CELF4: variants seen among roughly 807,000 people sequenced by gnomAD.
CELF4 encodes CUGBP Elav-like family member 4.
CELF4 carries 18 observed loss-of-function variants against 59.9 expected under a neutral mutation model. The observed-to-expected ratio is 0.30, with a 90% CI of 0.21 to 0.45. The LOEUF is 0.45. Ranked by LOEUF, CELF4 falls within the 20% of genes least tolerant of loss-of-function variation. The pLI is 1.00. For synonymous variants in CELF4, 261 were observed against 267.1 expected (o/e 0.98, Z 0.22); for missense variants, 456 against 689.0 (o/e 0.66, Z 3.79).
At chr18:37,523,563 G>T (rs953515074) in intron 1 of CELF4, among the ~76,000 whole-genome samples, 1 of 152,152 alleles carries the variant, frequency 6.6e-6, no homozygotes, top group Non-Finnish European at 1.5e-5. Flanking sequence ...GGCAAAACTC[G>T]GGCCCATGCT....
intron 3 of CELF4, among the ~76,000 whole-genome samples, chr18:37,318,457 C>A (rs1044537870): frequency 1.3e-5 from 2 of 151,992 alleles, no homozygotes; most frequent in Middle Eastern, 6.8e-3. Flanking sequence ...CACTTCTCCC[C>A]CCTTCCCCTT....
intron 10 of CELF4, among the ~76,000 whole-genome samples, chr18:37,262,418 A>T (rs2075276135): frequency 6.6e-6 from 1 of 151,966 alleles, no homozygotes; most frequent in South Asian, 2.1e-4. Flanking sequence ...GGGGGGCAGG[A>T]ATTGCAGCTG....
At chr18:37,409,728 G>GTCA (rs1404032437) in intron 2 of CELF4, among the ~76,000 whole-genome samples, 1 of 152,108 alleles carries the variant, frequency 6.6e-6, no homozygotes, top group African/African-American at 2.4e-5. Context: ...TGGTAGGGAG[G>GTCA]GGACAGAAGT....
In CELF4 at chr18:37,481,778, T is replaced by C. The variant is rs118188871; in HGVS notation, c.369+3747A>G. On this transcript the variant is annotated intron_variant, in intron 2 of 12. Transcript: ENST00000420428. ...TCACTCCTGCACTCCATGGTCATCC[T>C]GGTTCTCTCTAAATTCCTAAAGCAA... Among the ~76,000 whole-genome samples, 53 of 152,318 alleles carry C rather than the reference T, an allele frequency of 3.5e-4. No individual in the cohort carries two copies. The East Asian group carries it at 8.1e-3, about 23-fold the overall frequency.
intron 1 of CELF4, among the ~76,000 whole-genome samples, chr18:37,529,487 A>C (rs752713573): frequency 5.3e-5 from 8 of 152,244 alleles, no homozygotes; most frequent in Non-Finnish European, 1.2e-4. Context: ...ACCAGGGCAC[A>C]TCCAATAGCT....
intron 2 of CELF4, among the ~76,000 whole-genome samples, chr18:37,389,331 G>A (rs564362936): frequency 3.3e-5 from 5 of 152,284 alleles, no homozygotes; most frequent in Non-Finnish European, 5.9e-5. Context: ...GCAGCCAGTC[G>A]GGCTGCCAAG....
chr18:37,361,284 C>T (rs1050935169), intron 2 of CELF4, among the ~76,000 whole-genome samples: 6 of 152,098 alleles, frequency 3.9e-5, no homozygotes, highest in African/African-American at 7.2e-5. Context: ...GAGTTAAAGA[C>T]GCACCAGGAT....
intron 2 of CELF4, among the ~76,000 whole-genome samples, chr18:37,467,464 A>G (rs976832041): frequency 6.6e-6 from 1 of 152,128 alleles, no homozygotes. Context: ...CTTGTTAGCA[A>G]TGGGAGCCAC....
intron 2 of CELF4, among the ~76,000 whole-genome samples, chr18:37,340,651 G>A (rs112661978): frequency 1.1e-4 from 17 of 152,340 alleles, no homozygotes; most frequent in East Asian, 5.8e-4. Flanking sequence ...CACCAGGGGC[G>A]GCCAGCCTGA....
intron 3 of CELF4, among the ~76,000 whole-genome samples, chr18:37,309,898 G>C (rs1273741732): frequency 6.7e-6 from 1 of 150,246 alleles, no homozygotes; most frequent in Non-Finnish European, 1.5e-5. Flanking sequence ...TGTCCTCTCA[G>C]TAGACTTGTC....
intron 3 of CELF4, among the ~76,000 whole-genome samples, chr18:37,303,625 T>A (rs1017438522): frequency 2.0e-5 from 3 of 152,098 alleles, no homozygotes; most frequent in Admixed American, 2.0e-4. Flanking sequence ...CACGTCCTCC[T>A]TTTTAGAGCC....
At chr18:37,310,976 C>T (rs575477773) in intron 3 of CELF4, among the ~76,000 whole-genome samples, 215 of 152,300 alleles carry the variant, frequency 1.4e-3, no homozygotes, top group Middle Eastern at 6.8e-3. Flanking sequence ...TGCCTTCTCT[C>T]TGTCATTCCT....
intron 2 of CELF4, among the ~76,000 whole-genome samples, chr18:37,329,413 C>T (rs994310805): frequency 3.3e-5 from 5 of 152,244 alleles, no homozygotes; most frequent in Admixed American, 3.3e-4. Flanking sequence ...ATCACCTCTT[C>T]CCATGGGCTC....
At chr18:37,286,247 T>C (rs2154400299) in intron 3 of CELF4, among the ~76,000 whole-genome samples, 1 of 152,164 alleles carries the variant, frequency 6.6e-6, no homozygotes, top group South Asian at 2.1e-4. Flanking sequence ...AGGGAAGAAA[T>C]AAAAGACTCA....
intron 2 of CELF4, among the ~76,000 whole-genome samples, chr18:37,353,113 T>G (rs549831565): frequency 6.6e-6 from 1 of 150,414 alleles, no homozygotes; most frequent in East Asian, 2.0e-4. Context: ...CCCAGCTACT[T>G]GGGAGGCTGA....
Position 37,462,380 on chromosome 18 carries a change from A to G in CELF4, c.369+23145T>C, listed in dbSNP as rs546875287. On this transcript the variant is annotated intron_variant, in intron 2 of 12. Coordinates refer to ENST00000420428, the MANE Select transcript of CELF4 (RefSeq NM_020180.4). ...TCCTGGTGCCACATCTCCTCTCCTC[A>G]CCCTTGTGTCTGCTCCTCCGGAGGC... Among the ~76,000 whole-genome samples, 379 of 151,776 alleles carry G rather than the reference A, an allele frequency of 2.5e-3. 1 individual carries two copies. Among genetic ancestry groups the G allele is most frequent in the Non-Finnish European group, 4.3e-3 (293 of 67,930 alleles).
rs1260988179 is a variant in CELF4, at chr18:37,495,748, G to C, written c.287-10141C>G. Among the ~76,000 whole-genome samples, 17 of 151,808 alleles carry C rather than the reference G, an allele frequency of 1.1e-4. 1 individual carries two copies. Among genetic ancestry groups the C allele is most frequent in the Non-Finnish European group, 1.5e-5 (1 of 67,964 alleles). ...GGAAGCTCAGAGGACTCTGTCCTTA[G>C]GCTGCCTCTGAAGTCCCCATCCCTA... On this transcript the variant is annotated intron_variant, in intron 1 of 12. Transcript: ENST00000420428.
At chr18:37,467,927 T>G (rs2099812695) in intron 2 of CELF4, among the ~76,000 whole-genome samples, 1 of 152,238 alleles carries the variant, frequency 6.6e-6, no homozygotes, top group Admixed American at 6.5e-5. Flanking sequence ...TCACCTGTTA[T>G]GTACACATAC....
chr18:37,270,656 T>C, intron 8 of CELF4, 112 bp downstream of exon 8: 1 of 1,313,114 alleles, frequency 7.6e-7, no homozygotes, highest in Non-Finnish European at 1.1e-6. Flanking sequence ...TGGGGTTTCA[T>C]CAAGGAATGG....
Sources: allele counts gnomAD v4.1 joint callset (sites outside exome capture counted in the v4.1 genomes callset), GRCh38; gene constraint gnomAD v4.1.1; transcripts MANE v1.5; gene names NCBI Gene and HGNC (gene_info 2026-07-23, HGNC 2026-07-21).